The following PRIM2 variants were observed in gnomAD, a reference collection of about 807,000 sequenced individuals.
PRIM2 encodes DNA primase subunit 2.
In PRIM2, 39 loss-of-function variants were observed where a neutral mutation model predicts 67.3. The ratio of observed to expected loss-of-function variants is 0.58; its 90% CI spans 0.45 to 0.76. The LOEUF (loss-of-function observed/expected upper bound fraction) is 0.76, where lower values mean the gene tolerates loss of function less well. Ranked by LOEUF, PRIM2 falls within the 30% of genes least tolerant of loss-of-function variation. The probability of loss-of-function intolerance (pLI) is 0.00; values close to 1 mark genes in which losing one functional copy is unlikely to be tolerated. For synonymous variants in PRIM2, 143 were observed against 198.7 expected (o/e 0.72, Z 2.36); for missense variants, 398 against 598.7 (o/e 0.66, Z 3.50).
chr6:57,292,559 A>G, the PRIM2 span, among the ~76,000 whole-genome samples: 2 of 152,222 alleles, frequency 1.3e-5, no homozygotes, highest in East Asian at 3.8e-4. Flanking sequence ...AGCCAAAAGA[A>G]CAAAGTTGGA....
chr6:57,306,122 T>G, the PRIM2 span, among the ~76,000 whole-genome samples: 1 of 152,230 alleles, frequency 6.6e-6, no homozygotes, highest in Non-Finnish European at 1.5e-5. Flanking sequence ...GAATACTATG[T>G]TCAGGGTGAG....
intron 10 of PRIM2, among the ~76,000 whole-genome samples, chr6:57,578,877 C>T (rs1776020758): frequency 6.6e-6 from 1 of 151,434 alleles, no homozygotes; most frequent in African/African-American, 2.4e-5. Flanking sequence ...GGGGTTTCAC[C>T]GTGTTAGCCA....
chr6:57,572,975 CTCTG>C (rs1374912103), intron 10 of PRIM2, among the ~76,000 whole-genome samples: 20 of 152,294 alleles, frequency 1.3e-4, no homozygotes, highest in Middle Eastern at 3.4e-3. Flanking sequence ...TAGGTTTTTG[CTCTG>C]TCTCCCAGGA....
intron 13 of PRIM2, among the ~76,000 whole-genome samples, chr6:57,640,782 T>C (rs1777217165): frequency 2.0e-5 from 3 of 152,008 alleles, no homozygotes; most frequent in African/African-American, 7.3e-5. Flanking sequence ...AGAATCAATA[T>C]CGTGAAAATG....
chr6:57,264,491 A>G, the PRIM2 span, among the ~76,000 whole-genome samples: 3 of 152,102 alleles, frequency 2.0e-5, no homozygotes, highest in African/African-American at 7.2e-5. Flanking sequence ...ATATAATGAC[A>G]GAGCCAGCCC....
intron 7 of PRIM2, among the ~76,000 whole-genome samples, chr6:57,462,033 TAA>T (rs1314200776): frequency 6.6e-6 from 1 of 152,212 alleles, no homozygotes; most frequent in Admixed American, 6.5e-5. Flanking sequence ...GATATTAGGT[TAA>T]AAGATGACTG....
intron 13 of PRIM2, among the ~76,000 whole-genome samples, chr6:57,632,911 C>T (rs1455967870): frequency 6.6e-6 from 1 of 152,298 alleles, no homozygotes; most frequent in East Asian, 1.9e-4. Context: ...TGGTTTTTAT[C>T]TTGCCAGCTT....
chr6:57,273,940 C>T, the PRIM2 span, among the ~76,000 whole-genome samples: 3,162 of 152,174 alleles, frequency 0.021, 112 homozygotes, highest in African/African-American at 0.068. Context: ...TGCAGAACAG[C>T]GGATATTGGT....
the PRIM2 span, among the ~76,000 whole-genome samples, chr6:57,265,133 G>A: frequency 6.6e-6 from 1 of 152,196 alleles, no homozygotes; most frequent in Non-Finnish European, 1.5e-5. Context: ...CAACTAGATT[G>A]TTAATAGTCC....
At chr6:57,420,407 G>A (rs1463789733) in intron 7 of PRIM2, among the ~76,000 whole-genome samples, 3 of 152,120 alleles carry the variant, frequency 2.0e-5, no homozygotes, top group South Asian at 2.1e-4. Flanking sequence ...GGAGGCTGAG[G>A]CAGGAGAATC....
At chr6:57,480,476 G>C (rs1773593046) in intron 7 of PRIM2, among the ~76,000 whole-genome samples, 1 of 152,198 alleles carries the variant, frequency 6.6e-6, no homozygotes, top group East Asian at 1.9e-4. Context: ...ACATGCACTT[G>C]TGTGTGCTTG....
chr6:57,246,836 T>C, the PRIM2 span, among the ~76,000 whole-genome samples: 1 of 150,842 alleles, frequency 6.6e-6, no homozygotes, highest in Non-Finnish European at 1.5e-5. Context: ...CTGTACCAGA[T>C]GATCTCCCTG....
chr6:57,421,447 GT>G (rs1202069304), intron 7 of PRIM2, among the ~76,000 whole-genome samples: 1 of 152,142 alleles, frequency 6.6e-6, no homozygotes, highest in East Asian at 1.9e-4. Context: ...CAGCTCTCTA[GT>G]ATGCAAAACT....
At chr6:57,445,133 AT>A (rs1423046324) in intron 7 of PRIM2, among the ~76,000 whole-genome samples, 2 of 152,184 alleles carry the variant, frequency 1.3e-5, no homozygotes, top group Non-Finnish European at 2.9e-5. Flanking sequence ...CTGAAGTATT[AT>A]TTTTGGTAGG....
intron 12 of PRIM2, among the ~76,000 whole-genome samples, chr6:57,609,111 G>C (rs1776618794): frequency 6.6e-6 from 1 of 152,182 alleles, no homozygotes; most frequent in Non-Finnish European, 1.5e-5. Flanking sequence ...TAAAAATGTT[G>C]GAAGAGTGAA....
the PRIM2 span, among the ~76,000 whole-genome samples, chr6:57,259,199 A>G: frequency 9.8e-5 from 15 of 152,326 alleles, no homozygotes; most frequent in African/African-American, 3.1e-4. Context: ...GTCCAAGCCT[A>G]TTGTATTGAC....
the PRIM2 span, among the ~76,000 whole-genome samples, chr6:57,268,416 T>C: frequency 6.6e-6 from 1 of 152,282 alleles, no homozygotes; most frequent in East Asian, 1.9e-4. Context: ...ATATGGCTTT[T>C]AAAATATCAC....
At chr6:57,403,802 C>G (rs1170249027) in intron 7 of PRIM2, among the ~76,000 whole-genome samples, 1 of 151,946 alleles carries the variant, frequency 6.6e-6, no homozygotes, top group Non-Finnish European at 1.5e-5. Flanking sequence ...TGCCCTCTTC[C>G]TTGGCAAGTA....
At chr6:57,590,389 A>G (rs1776264045) in intron 10 of PRIM2, among the ~76,000 whole-genome samples, 1 of 152,216 alleles carries the variant, frequency 6.6e-6, no homozygotes, top group Non-Finnish European at 1.5e-5. Flanking sequence ...CTGCAATAGA[A>G]GAAGGGATTC....
Sources: gnomAD v4.1 joint callset for allele counts (sites outside exome capture counted in the v4.1 genomes callset) on GRCh38, gnomAD v4.1.1 for gene constraint, MANE v1.5 for transcripts, NCBI Gene and HGNC (gene_info 2026-07-23, HGNC 2026-07-21) for gene names.